Variants in ZNF385D observed in about 807,000 individuals in gnomAD.
ZNF385D encodes zinc finger protein 659.
Under a neutral mutation model 35.8 loss-of-function variants are expected in ZNF385D, and 15 were observed. That is an observed-to-expected ratio of 0.42 (90% CI 0.28 to 0.64). The LOEUF (loss-of-function observed/expected upper bound fraction) is 0.64, where lower values mean the gene tolerates loss of function less well. Ranked by LOEUF, ZNF385D falls within the 30% of genes least tolerant of loss-of-function variation. The pLI is 0.23. For missense variants in ZNF385D, 474 were observed against 494.6 expected (o/e 0.96, Z 0.39); for synonymous variants, 212 against 186.8 (o/e 1.13, Z -1.10).
At chr3:21,910,913 T>C (rs73129349) in intron 3 of ZNF385D, among the ~76,000 whole-genome samples, 1,822 of 152,064 alleles carry the variant, frequency 0.012, 33 homozygotes, top group African/African-American at 0.042. Context: ...AACTATTTTA[T>C]ATAGAATTAG....
At chr3:22,297,531 C>A (rs542619378) in intron 2 of ZNF385D, among the ~76,000 whole-genome samples, 1 of 151,966 alleles carries the variant, frequency 6.6e-6, no homozygotes, top group East Asian at 1.9e-4. Context: ...GAAGTGGGGC[C>A]GGAGGAGGAC....
intron 2 of ZNF385D, among the ~76,000 whole-genome samples, chr3:21,602,512 A>ATTTTTTTTTTTTTTT (rs199882061): frequency 4.0e-4 from 36 of 90,190 alleles, no homozygotes; most frequent in East Asian, 7.4e-4. Flanking sequence ...GTTTCCCTGC[A>ATTTTTTTTTTTTTTT]TTTTCTTTTT....
At chr3:21,904,058 A>G (rs1307332071) in intron 3 of ZNF385D, among the ~76,000 whole-genome samples, 1 of 152,128 alleles carries the variant, frequency 6.6e-6, no homozygotes, top group African/African-American at 2.4e-5. Flanking sequence ...TAATCCCAGT[A>G]CTTTGGGAGG....
Position 22,053,158 on chromosome 3 carries a change from G to C in ZNF385D, c.325+115659C>G, listed in dbSNP as rs901707216. Among the ~76,000 whole-genome samples the C allele has an allele frequency of 1.1e-4, 10 of 87,392 alleles. 4 individuals are homozygous for C. The highest frequency in any genetic ancestry group is 3.9e-4 in the Admixed American group (3 of 7,644). 57.3% of individuals were successfully genotyped at this position (87,392 alleles called of 152,430 possible). On this transcript the variant is annotated intron_variant, in intron 3 of 5. Coordinates refer to the ZNF385D transcript ENST00000494108. Reference sequence around the variant, plus strand: ...GTGCTAGCAATCAGCGAGATTCCGTGGGCGTAGGACCCTCCGAGCCAGGTG... The same window carrying C: ...GTGCTAGCAATCAGCGAGATTCCGTCGGCGTAGGACCCTCCGAGCCAGGTG...
At chr3:22,354,138 C>T (rs1038730096) in intron 2 of ZNF385D, among the ~76,000 whole-genome samples, 1 of 152,104 alleles carries the variant, frequency 6.6e-6, no homozygotes, top group Admixed American at 6.5e-5. Flanking sequence ...CATAGTTATA[C>T]TGATTACTGG....
At chr3:22,033,402 A>AAAT (rs59555475) in intron 3 of ZNF385D, among the ~76,000 whole-genome samples, 39,189 of 139,050 alleles carry the variant, frequency 0.28, 6,569 homozygotes, top group East Asian at 0.58. Flanking sequence ...GCTGGCTCCA[A>AAAT]AATAATAATA....
intron 3 of ZNF385D, chr3:21,978,093 A>T (rs1436199897): frequency 1.3e-5 from 2 of 151,578 alleles, no homozygotes; most frequent in Non-Finnish European, 2.9e-5. Flanking sequence ...CAGATAGAGA[A>T]ATACTTAAAC....
At chr3:22,370,033 G>T (rs1696831608) in intron 2 of ZNF385D, among the ~76,000 whole-genome samples, 1 of 152,154 alleles carries the variant, frequency 6.6e-6, no homozygotes, top group Admixed American at 6.5e-5. Flanking sequence ...TTCTTGAATT[G>T]CAAACATTTT....
At chr3:21,504,189 T>C (rs1706603718) in intron 4 of ZNF385D, among the ~76,000 whole-genome samples, 1 of 152,150 alleles carries the variant, frequency 6.6e-6, no homozygotes, top group Admixed American at 6.5e-5. Flanking sequence ...TAACTCCTGA[T>C]TGATAGTCAC....
intron 3 of ZNF385D, among the ~76,000 whole-genome samples, chr3:21,800,310 T>C (rs748607615): frequency 6.6e-6 from 1 of 152,246 alleles, no homozygotes; most frequent in South Asian, 2.1e-4. Context: ...AGGGATGGCA[T>C]TGAATCTTTA....
chr3:21,915,475 A>G (rs1700150072), intron 3 of ZNF385D, among the ~76,000 whole-genome samples: 1 of 152,126 alleles, frequency 6.6e-6, no homozygotes, highest in Non-Finnish European at 1.5e-5. Flanking sequence ...AATTCTTTTA[A>G]TGTTCTAGTT....
chr3:21,692,231 G>A (rs1161549749), intron 1 of ZNF385D, among the ~76,000 whole-genome samples: 2 of 152,166 alleles, frequency 1.3e-5, no homozygotes, highest in Non-Finnish European at 2.9e-5. Context: ...GGGAGGTTAA[G>A]GAACTTGTTC....
intron 3 of ZNF385D, among the ~76,000 whole-genome samples, chr3:21,518,759 A>G (rs1707733938): frequency 6.6e-6 from 1 of 152,164 alleles, no homozygotes; most frequent in Non-Finnish European, 1.5e-5. Flanking sequence ...TATTTAACAA[A>G]ACATTTGAAG....
At chr3:22,116,193 G>C (rs1037448608) in intron 3 of ZNF385D, among the ~76,000 whole-genome samples, 5 of 151,758 alleles carry the variant, frequency 3.3e-5, no homozygotes, top group African/African-American at 1.2e-4. Flanking sequence ...TTAGAAAAAA[G>C]CTCTCAAGTT....
upstream of ZNF385D, among the ~76,000 whole-genome samples, chr3:21,752,215 A>C (rs2070136396): frequency 6.6e-6 from 1 of 152,168 alleles, no homozygotes; most frequent in Non-Finnish European, 1.5e-5. Context: ...GAAAAAATAA[A>C]CTCATACAGC....
At chr3:21,916,713 G>T (rs1467819548) in intron 3 of ZNF385D, among the ~76,000 whole-genome samples, 1 of 152,090 alleles carries the variant, frequency 6.6e-6, no homozygotes, top group Non-Finnish European at 1.5e-5. Flanking sequence ...TTTGGAAAAG[G>T]TCTGCCACAA....
upstream of ZNF385D, chr3:21,751,538 A>G (rs993141784): frequency 6.3e-5 from 46 of 727,060 alleles, no homozygotes; most frequent in Non-Finnish European, 7.7e-5. Context: ...CCAAAATTTA[A>G]CCTCCTCTAC....
chr3:21,892,193 A>C (rs993890800), intron 3 of ZNF385D, among the ~76,000 whole-genome samples: 11 of 152,310 alleles, frequency 7.2e-5, no homozygotes, highest in Non-Finnish European at 1.3e-4. Flanking sequence ...TATTTTTATA[A>C]TTGAGATGGA....
At chr3:21,881,704 C>A (rs1471602162) in intron 3 of ZNF385D, among the ~76,000 whole-genome samples, 1 of 151,940 alleles carries the variant, frequency 6.6e-6, no homozygotes, top group Admixed American at 6.6e-5. Context: ...CTAGTGACTC[C>A]TCTGATGGAT....
Sources: allele counts gnomAD v4.1 joint callset (sites outside exome capture counted in the v4.1 genomes callset), GRCh38; gene constraint gnomAD v4.1.1; transcripts MANE v1.5; gene names NCBI Gene and HGNC (gene_info 2026-07-23, HGNC 2026-07-21).